TLK1: variants seen among roughly 807,000 people sequenced by gnomAD.
TLK1 encodes serine/threonine-protein kinase tousled-like 1.
A neutral mutation model predicts 105.3 loss-of-function variants in TLK1; 24 were observed. The observed-to-expected ratio is 0.23, with a 90% CI of 0.17 to 0.32. The LOEUF is 0.32. TLK1 is among the 10% of genes least tolerant of loss of function. TLK1 has a pLI of 1.00. For synonymous variants in TLK1, 321 were observed against 310.4 expected, an observed-to-expected ratio of 1.03 and a Z score of -0.36; for missense variants, 558 against 910.5, an observed-to-expected ratio of 0.61 and a Z score of 4.98.
At chr2:170,996,088 C>A (rs954396408) in intron 20 of TLK1, among the ~76,000 whole-genome samples, 1 of 151,604 alleles carries the variant, frequency 6.6e-6, no homozygotes, top group African/African-American at 2.4e-5. Flanking sequence ...GCCTTGACCT[C>A]CCTGAGCTCA....
chr2:171,091,014 A>T (rs985747047), intron 2 of TLK1, among the ~76,000 whole-genome samples: 4 of 152,210 alleles, frequency 2.6e-5, no homozygotes, highest in Admixed American at 2.0e-4. Flanking sequence ...CTTCTATTAG[A>T]CAGAGTTGCT....
At chr2:171,003,961 AT>A (rs34183066) in intron 18 of TLK1, among the ~76,000 whole-genome samples, 2 of 150,014 alleles carry the variant, frequency 1.3e-5, no homozygotes, top group Non-Finnish European at 3.0e-5. Flanking sequence ...TTTTTTCAGT[AT>A]TTTTTTTTTC....
At chr2:171,186,869 C>G (rs931139827) in intron 1 of TLK1, among the ~76,000 whole-genome samples, 1 of 151,680 alleles carries the variant, frequency 6.6e-6, no homozygotes, top group Admixed American at 6.6e-5. Context: ...GCCAGCCTGG[C>G]CAACATGGTG....
chr2:171,027,963 G>GACC (rs1685855501), intron 12 of TLK1, among the ~76,000 whole-genome samples: 1 of 152,136 alleles, frequency 6.6e-6, no homozygotes. Flanking sequence ...AGGAGTTTGA[G>GACC]ACCAGCCTGG....
At chr2:171,071,541 C>A (rs1037244225) in intron 3 of TLK1, among the ~76,000 whole-genome samples, 1 of 152,138 alleles carries the variant, frequency 6.6e-6, no homozygotes, top group Admixed American at 6.5e-5. Context: ...CCTGCCTCTG[C>A]CTCCCACAGT....
chr2:171,203,143 C>T (rs1427746581), intron 1 of TLK1, among the ~76,000 whole-genome samples: 3 of 151,274 alleles, frequency 2.0e-5, no homozygotes, highest in Non-Finnish European at 1.5e-5. Context: ...ATCCCCATGC[C>T]CTCTTGGTGA....
At chr2:171,196,975 C>G (rs535464298) in intron 1 of TLK1, among the ~76,000 whole-genome samples, 4 of 152,232 alleles carry the variant, frequency 2.6e-5, no homozygotes, top group African/African-American at 9.6e-5. Context: ...CTACATTTCA[C>G]GTAAGTCATA....
At chr2:171,106,758 A>T (rs759436938) in intron 2 of TLK1, among the ~76,000 whole-genome samples, 102 of 152,202 alleles carry the variant, frequency 6.7e-4, no homozygotes, top group Non-Finnish European at 2.9e-4. Context: ...TCTCACAAGC[A>T]CATTATCATC....
chr2:171,066,132 T>A (rs535484449), intron 3 of TLK1, among the ~76,000 whole-genome samples: 1 of 152,230 alleles, frequency 6.6e-6, no homozygotes, highest in Admixed American at 6.5e-5. Flanking sequence ...GTTAAAACTT[T>A]AATATTGATA....
chr2:171,123,769 G>GC (rs1253167737), intron 1 of TLK1, among the ~76,000 whole-genome samples: 1 of 152,130 alleles, frequency 6.6e-6, no homozygotes, highest in Non-Finnish European at 1.5e-5. Context: ...TCATGATTGT[G>GC]CCACTGTACT....
rs143563675 is a variant in TLK1, at chr2:171,128,523, G to A, written c.140-10666C>T. Among the ~76,000 whole-genome samples the A allele has an allele frequency of 2.6e-5, 4 of 152,264 alleles. No individual in the cohort carries two copies. The East Asian group carries it at 7.7e-4, about 29-fold the overall frequency. On this transcript the variant is annotated intron_variant, in intron 1 of 20. Coordinates refer to ENST00000431350, the MANE Select transcript of TLK1 (RefSeq NM_012290.5). ...CATATATGTATGCTAAAATATAAGTGCTCAATAAATATTAGCATATATAAT... is the reference window on the plus strand; with the variant it reads ...CATATATGTATGCTAAAATATAAGTACTCAATAAATATTAGCATATATAAT...
At chr2:171,016,975 T>C (rs1166384261) in intron 12 of TLK1, among the ~76,000 whole-genome samples, 2 of 152,170 alleles carry the variant, frequency 1.3e-5, no homozygotes, top group East Asian at 1.9e-4. Flanking sequence ...ACTACATAGA[T>C]TCTCTTAATT....
intron 3 of TLK1, among the ~76,000 whole-genome samples, chr2:171,070,854 C>A (rs1214839481): frequency 6.6e-6 from 1 of 152,176 alleles, no homozygotes; most frequent in East Asian, 1.9e-4. Context: ...CCGAACTGTT[C>A]TTCATAGTGG....
Position 171,006,603 on chromosome 2 carries a change from C to A in TLK1, c.1639G>T (p.Asp547Tyr). ...AACTTGTGTTGCTTCAGATAGAAAT[C>A]CAAGTCATTGCCTTCACAGTATTCT... ...VLEYCEGNDL[D>Y]FYLKQHKLMS... The change falls in exon 17 of 21, where the codon GAT becomes TAT. Residue 547 changes from aspartate to tyrosine, a missense_variant. Physicochemically the swap from Asp to Tyr is radical, Grantham distance 160. Coordinates refer to ENST00000431350, the MANE Select transcript of TLK1 (RefSeq NM_012290.5). The A allele has an allele frequency of 6.2e-7, 1 of 1,612,870 alleles. No individual in the cohort carries two copies. Among genetic ancestry groups the A allele is most frequent in the Non-Finnish European group, 8.5e-7 (1 of 1,179,706 alleles).
At chr2:171,187,088 AAGAAAAAGAAAAAG>A in intron 1 of TLK1, among the ~76,000 whole-genome samples, 1 of 150,172 alleles carries the variant, frequency 6.7e-6, no homozygotes, top group African/African-American at 2.5e-5. Flanking sequence ...AAAAAAGAAA[AAGAAAAAGAAAAAG>A]AAAAGAATAA....
intron 1 of TLK1, among the ~76,000 whole-genome samples, chr2:171,157,636 CA>C (rs1692291231): frequency 6.6e-6 from 1 of 152,056 alleles, no homozygotes; most frequent in South Asian, 2.1e-4. Context: ...TAAAAAGAAA[CA>C]AAACTACAAC....
intron 18 of TLK1, among the ~76,000 whole-genome samples, chr2:171,000,232 G>A (rs1389124329): frequency 6.6e-6 from 1 of 151,908 alleles, no homozygotes; most frequent in Non-Finnish European, 1.5e-5. Context: ...AAAAAAATTA[G>A]CCAGGCATGG....
chr2:171,195,519 A>C (rs959406714), intron 1 of TLK1, among the ~76,000 whole-genome samples: 3 of 151,670 alleles, frequency 2.0e-5, no homozygotes, highest in African/African-American at 4.8e-5. Context: ...AAAAAAAAAA[A>C]AAACATAATC....
chr2:171,036,413 T>A (rs1686341457), intron 11 of TLK1, among the ~76,000 whole-genome samples: 1 of 152,164 alleles, frequency 6.6e-6, no homozygotes, highest in African/African-American at 2.4e-5. Context: ...GCATAATTTC[T>A]AAAAAGTTTA....
Sources: gnomAD v4.1 joint callset for allele counts (sites outside exome capture counted in the v4.1 genomes callset) on GRCh38, gnomAD v4.1.1 for gene constraint, MANE v1.5 for transcripts, NCBI Gene and HGNC (gene_info 2026-07-23, HGNC 2026-07-21) for gene names.